The following CNTNAP2 variants were observed in gnomAD, a reference collection of about 807,000 sequenced individuals.
CNTNAP2 encodes the protein contactin associated protein 2.
CNTNAP2 carries 98 observed loss-of-function variants against 155.2 expected under a neutral mutation model. That is an observed-to-expected ratio of 0.63 (90% CI 0.54 to 0.75). The LOEUF (loss-of-function observed/expected upper bound fraction) is 0.75. Ranked by LOEUF, CNTNAP2 falls within the 30% of genes least tolerant of loss-of-function variation. The probability of loss-of-function intolerance (pLI) is 0.00; values close to 1 mark genes in which losing one functional copy is unlikely to be tolerated. For synonymous variants in CNTNAP2, 651 were observed against 631.2 expected (o/e 1.03, Z -0.47); for missense variants, 1,727 against 1,688.1 (o/e 1.02, Z -0.40).
intron 12 of CNTNAP2, among the ~76,000 whole-genome samples, chr7:147,567,464 A>G (rs143742097): frequency 3.5e-4 from 53 of 152,314 alleles, no homozygotes; most frequent in Middle Eastern, 3.4e-3. Flanking sequence ...TCTCCAAAGG[A>G]CACCCAGAGA....
In CNTNAP2 at chr7:148,313,818, G is replaced by C. The variant is rs550051280; in HGVS notation, c.3475+46692G>C. On this transcript the variant is annotated intron_variant, in intron 21 of 23. Transcript: ENST00000361727. ...AATAAGACGGCCTTTTGACCTTTTA[G>C]GGTCTAGGGCTATAAAGCGTCTCAG... Among the ~76,000 whole-genome samples the C allele has an allele frequency of 7.6e-4, 116 of 152,230 alleles. 1 individual carries two copies. The highest frequency in any genetic ancestry group is 2.7e-3 in the African/African-American group (114 of 41,534).
chr7:148,176,985 A>G (rs1413680336), intron 18 of CNTNAP2, among the ~76,000 whole-genome samples: 1 of 152,218 alleles, frequency 6.6e-6, no homozygotes, highest in African/African-American at 2.4e-5. Flanking sequence ...CAAGAATTCT[A>G]TAATTATCAA....
intron 3 of CNTNAP2, among the ~76,000 whole-genome samples, chr7:146,896,957 A>G (rs1795889616): frequency 6.6e-6 from 1 of 152,114 alleles, no homozygotes; most frequent in African/African-American, 2.4e-5. Context: ...AGAGTATTTA[A>G]TATATAATGT....
At position 147,963,745 on chromosome 7, in the gene CNTNAP2, C is replaced by A. The variant is rs1297260370; in HGVS notation, c.2256-14117C>A. Among the ~76,000 whole-genome samples the A allele has an allele frequency of 2.6e-5, 4 of 152,198 alleles. No homozygotes were observed. In the East Asian group the frequency reaches 7.8e-4, roughly 30 times the overall value. On this transcript the variant is annotated intron_variant, in intron 14 of 23. Transcript: ENST00000361727. ...CAATGATAAGCCAACGATGCTGTTT[C>A]CTTCTCGAGCTATAACTTTCATAGA...
chr7:148,297,778 GTTTTCT>G (rs774016901), intron 21 of CNTNAP2, among the ~76,000 whole-genome samples: 23 of 152,154 alleles, frequency 1.5e-4, no homozygotes, highest in South Asian at 4.1e-4. Context: ...GTTCTGGCCA[GTTTTCT>G]TTTTTCAGTG....
chr7:146,765,966 A>G (rs888620456), intron 1 of CNTNAP2, among the ~76,000 whole-genome samples: 2 of 152,036 alleles, frequency 1.3e-5, no homozygotes, highest in Non-Finnish European at 1.5e-5. Flanking sequence ...GACCCAGAGA[A>G]GGAGTGAAAT....
chr7:146,478,939 T>C (rs1036762976), intron 1 of CNTNAP2, among the ~76,000 whole-genome samples: 1 of 152,162 alleles, frequency 6.6e-6, no homozygotes, highest in Non-Finnish European at 1.5e-5. Context: ...ATAGGACCGA[T>C]TATTGAAGGT....
At chr7:148,394,628 T>C (rs1396754347) in intron 22 of CNTNAP2, among the ~76,000 whole-genome samples, 6 of 152,216 alleles carry the variant, frequency 3.9e-5, no homozygotes, top group African/African-American at 1.4e-4. Flanking sequence ...GTCTTCTCCA[T>C]CTCTCTCCAA....
At chr7:147,027,178 T>G (rs762683261) in intron 3 of CNTNAP2, among the ~76,000 whole-genome samples, 7 of 152,206 alleles carry the variant, frequency 4.6e-5, no homozygotes, top group Non-Finnish European at 2.9e-5. Flanking sequence ...TGTGGCCATC[T>G]ATTTAAAGTT....
chr7:147,403,899 C>G (rs1211065962), intron 10 of CNTNAP2, among the ~76,000 whole-genome samples: 1 of 152,120 alleles, frequency 6.6e-6, no homozygotes, highest in Non-Finnish European at 1.5e-5. Flanking sequence ...CTGAATCTTG[C>G]TGACTCCAAA....
At chr7:147,523,204 G>C (rs917872655) in intron 11 of CNTNAP2, among the ~76,000 whole-genome samples, 14 of 152,276 alleles carry the variant, frequency 9.2e-5, no homozygotes, top group African/African-American at 3.1e-4. Context: ...TCAGCTCTTT[G>C]CTAGTCATCG....
intron 10 of CNTNAP2, among the ~76,000 whole-genome samples, chr7:147,463,149 G>T (rs538587664): frequency 6.6e-6 from 1 of 152,104 alleles, no homozygotes; most frequent in Non-Finnish European, 1.5e-5. Flanking sequence ...AACAGAAAAA[G>T]AAACAAGTGT....
intron 3 of CNTNAP2, among the ~76,000 whole-genome samples, chr7:146,927,728 T>C (rs1015510112): frequency 6.6e-6 from 1 of 151,914 alleles, no homozygotes; most frequent in Non-Finnish European, 1.5e-5. Context: ...CTAACCCTGA[T>C]CACCAGTCTC....
intron 13 of CNTNAP2, among the ~76,000 whole-genome samples, chr7:147,805,760 AT>A (rs1798081100): frequency 6.6e-6 from 1 of 152,226 alleles, no homozygotes; most frequent in Non-Finnish European, 1.5e-5. Flanking sequence ...CCATCCTTGC[AT>A]CCCTGGGATG....
chr7:147,380,379 T>C (rs1796515585), intron 9 of CNTNAP2, among the ~76,000 whole-genome samples: 1 of 152,114 alleles, frequency 6.6e-6, no homozygotes, highest in Non-Finnish European at 1.5e-5. Context: ...TGAAGACATT[T>C]GTATAACATG....
At chr7:147,676,710 T>C (rs906734298) in intron 13 of CNTNAP2, among the ~76,000 whole-genome samples, 2 of 151,972 alleles carry the variant, frequency 1.3e-5, no homozygotes, top group Admixed American at 6.6e-5. Context: ...TCTCTACTTA[T>C]ATGAGATCAA....
intron 13 of CNTNAP2, among the ~76,000 whole-genome samples, chr7:147,816,582 G>A (rs983215890): frequency 6.6e-6 from 1 of 152,008 alleles, no homozygotes; most frequent in Non-Finnish European, 1.5e-5. Flanking sequence ...TTCTGCTTGG[G>A]AACTCTTTTT....
chr7:147,649,201 T>C (rs1237730115), intron 13 of CNTNAP2, among the ~76,000 whole-genome samples: 1 of 152,166 alleles, frequency 6.6e-6, no homozygotes, highest in Admixed American at 6.5e-5. Context: ...ATTTTGTATG[T>C]AGCTTAGTCT....
At chr7:146,968,452 G>T (rs1366573598) in intron 3 of CNTNAP2, among the ~76,000 whole-genome samples, 11 of 151,450 alleles carry the variant, frequency 7.3e-5, no homozygotes, top group Non-Finnish European at 1.5e-5. Flanking sequence ...GACTCTTTTT[G>T]GTTGGTAAGC....
Sources: gnomAD v4.1 joint callset for allele counts (sites outside exome capture counted in the v4.1 genomes callset) on GRCh38, gnomAD v4.1.1 for gene constraint, MANE v1.5 for transcripts, NCBI Gene and HGNC (gene_info 2026-07-23, HGNC 2026-07-21) for gene names.